MMP8: variants seen among roughly 807,000 people sequenced by gnomAD.
MMP8 encodes the protein neutrophil collagenase.
Under a neutral mutation model 51.2 loss-of-function variants are expected in MMP8, and 67 were observed. The ratio of observed to expected loss-of-function variants is 1.31; its 90% confidence interval spans 1.08 to 1.60. The LOEUF (loss-of-function observed/expected upper bound fraction) is 1.60. Among genes scored for constraint, MMP8 ranks in the 40% most tolerant of loss-of-function variants. The pLI, the probability that MMP8 is intolerant of heterozygous loss-of-function variation, is 0.00. For synonymous variants in MMP8, 225 were observed against 191.0 expected (o/e 1.18, Z -1.47); for missense variants, 654 against 558.1 (o/e 1.17, Z -1.73).
In MMP8 at chr11:102,712,202, A is replaced by G. The variant is rs1291189193; in HGVS notation, c.*1146T>C. On this transcript the variant is annotated 3_prime_UTR_variant, in exon 10 of 10. Coordinates refer to ENST00000236826, the MANE Select transcript of MMP8 (RefSeq NM_002424.3). The stretch of plus-strand genomic sequence containing the variant: ...CCTGAGTACCCCAGGAAATAGAAGT[A>G]AAGAACTGACGAACATCAGATCCAA... 6.6e-6 allele frequency: 1 copy of G among 152,174 alleles called. No individual in the cohort carries two copies. Among genetic ancestry groups the G allele is most frequent in the Non-Finnish European group, 1.5e-5 (1 of 68,020 alleles). 9.4% of individuals were successfully genotyped at this position (152,174 alleles called of 1,614,324 possible).
Position 102,721,752 on chromosome 11 carries a change from A to T in MMP8, c.358T>A (p.Tyr120Asn). ...TCAGCCTCTGACAGCTGTGGGGTAT[A>T]GTTTCGAATCCTTCAAAATGAGAGG... is the stretch of plus-strand genomic sequence containing the variant. Reference protein sequence around the residue: ...RTNLTYRIRNYTPQLSEAEVE... With the variant: ...RTNLTYRIRNNTPQLSEAEVE... The change falls in exon 3 of 10, where the codon TAT becomes AAT. Residue 120 changes from tyrosine (Y) to asparagine (N), a missense_variant. Coordinates refer to ENST00000236826, the MANE Select transcript of MMP8 (RefSeq NM_002424.3). The T allele has an allele frequency of 6.2e-7, 1 of 1,613,652 alleles. No homozygotes were observed. The highest frequency in any genetic ancestry group is 1.1e-5 in the South Asian group (1 of 91,062).
chr11:102,722,297 ACTACTC>A (rs2134314946), intron 2 of MMP8, 126 bp downstream of exon 2: 8 of 979,052 alleles, frequency 8.2e-6, no homozygotes, highest in Non-Finnish European at 1.2e-5. Context: ...ATATTCATTC[ACTACTC>A]ACACTCTTCA....
Position 102,715,321 on chromosome 11 carries a change from A to C in MMP8, c.1019T>G (p.Leu340Arg), listed in dbSNP as rs536358156. The C allele has an allele frequency of 6.2e-7, 1 of 1,611,198 alleles. No homozygotes were observed. The highest frequency in any genetic ancestry group is 1.7e-5 in the Admixed American group (1 of 59,200). ...QAAYEDFDRDLIFLFKGNQYW... is the reference protein window; with the variant it reads ...QAAYEDFDRDRIFLFKGNQYW... The stretch of plus-strand genomic sequence containing the variant: ...GAAGTTACCTTTAAATAGGAAAATG[A>C]GGTCTCTGTCAAAATCTTCATAAGC... Residue 340 changes from leucine (L) to arginine (R), a missense_variant, in exon 7 of 10, where the codon CTC (leucine) becomes CGC (arginine). Coordinates refer to ENST00000236826, the MANE Select transcript of MMP8 (RefSeq NM_002424.3).
In MMP8 at chr11:102,714,593, T is replaced by C. The variant is rs772850945; in HGVS notation, c.1153A>G (p.Ser385Gly). Residue 385 changes from serine (S) to glycine (G), a missense_variant, in exon 8 of 10, where the codon AGT becomes GGT. Ser to Gly is a moderately conservative substitution (Grantham distance 56). Transcript: ENST00000236826. ...TCATTTACAAAGAAGTATGTTTTAC[T>C]TCTGTAGAAAACAGCTGCGTCAATT... ...QAIDAAVFYR[S>G]KTYFFVNDQF... 6 of 1,516,902 alleles carry C rather than the reference T, an allele frequency of 4.0e-6. No homozygotes were observed. In the East Asian group the frequency reaches 1.6e-4, roughly 39 times the overall value. The allele number at this position is 1,516,902 out of a possible 1,614,324, so 94.0% of individuals were successfully genotyped here.
At chr11:102,717,822 T>G (rs1211847498) in intron 5 of MMP8, among the ~76,000 whole-genome samples, 1 of 152,166 alleles carries the variant, frequency 6.6e-6, no homozygotes. Flanking sequence ...TATTTAAAAT[T>G]GGGGCCAGGT....
Position 102,722,599 on chromosome 11 carries a change from G to T in MMP8, c.177C>A (p.Ile59=), listed in dbSNP as rs770460574. The T allele has an allele frequency of 3.1e-6, 5 of 1,613,726 alleles. No individual in the cohort carries two copies. The highest frequency in any genetic ancestry group is 4.2e-6 in the Non-Finnish European group (5 of 1,179,838). ...QSTRKNGTNV[I]VEKLKEMQRF... is the part of the protein sequence containing the mutation. ...GCTGCATTTCTTTAAGCTTTTCAAC[G>T]ATCACATTAGTGCCATTCTTCCTTG... Residue 59 remains isoleucine (I), a synonymous_variant, in exon 2 of 10, where the codon ATC becomes ATA. Coordinates refer to ENST00000236826, the MANE Select transcript of MMP8 (RefSeq NM_002424.3).
chr11:102,722,707 T>A, intron 1 of MMP8, 34 bp from the exon 2 acceptor site: 1 of 1,607,538 alleles, frequency 6.2e-7, no homozygotes, highest in Non-Finnish European at 8.5e-7. Flanking sequence ...GGTCTTGCTG[T>A]GAAAGGACCT....
chr11:102,717,829 A>G (rs1240648360), intron 5 of MMP8, among the ~76,000 whole-genome samples: 1 of 152,208 alleles, frequency 6.6e-6, no homozygotes, highest in Non-Finnish European at 1.5e-5. Flanking sequence ...AATTGGGGCC[A>G]GGTGCAATGG....
intron 7 of MMP8, 96 bp from the exon 8 acceptor site, chr11:102,714,805 T>C (rs28478243): frequency 0.089 from 20,555 of 230,726 alleles, 1,957 homozygotes; most frequent in African/African-American, 0.2. Flanking sequence ...TATATATATA[T>C]ACCACTTCTT....
intron 8 of MMP8, among the ~76,000 whole-genome samples, 180 bp downstream of exon 8, chr11:102,714,376 A>G (rs1861217640): frequency 6.6e-6 from 1 of 152,326 alleles, no homozygotes; most frequent in Admixed American, 6.5e-5. Flanking sequence ...TTAATTTTAT[A>G]GAAATGAAAA....
intron 5 of MMP8, among the ~76,000 whole-genome samples, chr11:102,717,044 G>A (rs1861319737): frequency 6.6e-6 from 1 of 152,122 alleles, no homozygotes; most frequent in Non-Finnish European, 1.5e-5. Flanking sequence ...TCACAAAAAA[G>A]TTCCCTGGTT....
In MMP8 at chr11:102,716,302, C is replaced by T. The variant is rs1274324925; in HGVS notation, c.902G>A (p.Arg301Lys). 3 of 1,565,004 alleles carry T rather than the reference C, an allele frequency of 1.9e-6. No individual in the cohort carries two copies. The highest frequency in any genetic ancestry group is 2.6e-6 in the Non-Finnish European group (3 of 1,145,542). ...AGGAAGAAATATTTCAATTTTATAC[C>T]TGTCTTTAAAGAAAAGTATTTCTCC... ...LRGEILFFKD[R>K]YFWRRHPQLQ... The change falls in exon 6 of 10, where the codon AGG (arginine) becomes AAG (lysine). Residue 301 changes from arginine (R) to lysine (K), a missense_variant and splice_region_variant. Physicochemically the swap from Arg to Lys is conservative, Grantham distance 26 (BLOSUM62 2). Transcript: ENST00000236826.
chr11:102,715,348 G>T lies in MMP8; in HGVS notation c.992C>A (p.Ala331Asp). 3 of 1,613,452 alleles carry T rather than the reference G, an allele frequency of 1.9e-6. No homozygotes were observed. Among genetic ancestry groups the T allele is most frequent in the Non-Finnish European group, 2.5e-6 (3 of 1,179,714 alleles). Residue 331 changes from alanine (A) to aspartate (D), a missense_variant, in exon 7 of 10, where the codon GCT becomes GAT. Physicochemically the swap from Ala to Asp is moderately radical, Grantham distance 126. Transcript: ENST00000236826. ...GTCTCTGTCAAAATCTTCATAAGCA[G>T]CCTGTATACCAGTTGGAAGGGATGG... Reference protein sequence around the residue: ...FWPSLPTGIQAAYEDFDRDLI... With the variant: ...FWPSLPTGIQDAYEDFDRDLI...
rs766614499 is a variant in MMP8, at chr11:102,714,556, C to T, written c.1190G>A (p.Arg397Lys). Residue 397 changes from arginine to lysine, a missense_variant and splice_region_variant, in exon 8 of 10, where the codon AGA becomes AAA. Physicochemically the swap from Arg to Lys is conservative, Grantham distance 26. Transcript: ENST00000236826. ...TAATTGAAAAAATAGTTTACGTTAC[C>T]TCCAGAATTGGTCATTTACAAAGAA... The part of the protein sequence containing the change: ...TYFFVNDQFW[R>K]YDNQRQFMEP... 1 of 1,456,676 alleles carries T rather than the reference C, an allele frequency of 6.9e-7. No homozygotes were observed. Among genetic ancestry groups the T allele is most frequent in the Non-Finnish European group, 9.1e-7 (1 of 1,099,202 alleles). 90.2% of individuals were successfully genotyped at this position (1,456,676 alleles called of 1,614,324 possible).
At position 102,716,425 on chromosome 11, in the gene MMP8, A is replaced by T. The variant is rs756131614; in HGVS notation, c.785-6T>A. On this transcript the variant is annotated splice_polypyrimidine_tract_variant and splice_region_variant and intron_variant, in intron 5 of 9. Transcript: ENST00000236826. The stretch of plus-strand genomic sequence containing the variant: ...GATAGGGTTGCTTGAAAGTCCTGGA[A>T]AAAAAAAAAAAAAAAAAAAAAAGGT... 18 of 794,630 alleles carry T rather than the reference A, an allele frequency of 2.3e-5. No individual in the cohort carries two copies. The highest frequency in any genetic ancestry group is 4.3e-5 in the Admixed American group (1 of 23,302). The allele number at this position is 794,630 out of a possible 1,614,324, so 49.2% of individuals were successfully genotyped here.
intron 4 of MMP8, among the ~76,000 whole-genome samples, chr11:102,720,082 A>G (rs1387321249): frequency 2.0e-5 from 3 of 152,352 alleles, no homozygotes; most frequent in Admixed American, 1.3e-4. Flanking sequence ...CAGTGAATGT[A>G]CAATGTGGGT....
intron 1 of MMP8, chr11:102,722,907 G>A: frequency 9.4e-7 from 1 of 1,060,398 alleles, no homozygotes; most frequent in Non-Finnish European, 1.3e-6. Flanking sequence ...TCTCATAAGG[G>A]ATGAGGATCA....
intron 2 of MMP8, 49 bp downstream of exon 2, chr11:102,722,380 C>A: frequency 1.3e-6 from 2 of 1,588,130 alleles, no homozygotes; most frequent in South Asian, 1.1e-5. Context: ...TATAAGAGCC[C>A]AGTCCATACT....
Position 102,713,365 on chromosome 11 carries a change from T to C in MMP8, c.1387A>G (p.Asn463Asp), listed in dbSNP as rs77504671. ...TRVARGNKWL[N>D]CRYG ...ATTTTGCTTCAGCCATATCTACAGTTAAGCCATTTATTGCCTCTTGCAACT... is the reference window on the plus strand; with the variant it reads ...ATTTTGCTTCAGCCATATCTACAGTCAAGCCATTTATTGCCTCTTGCAACT... Residue 463 changes from asparagine to aspartate, a missense_variant, in exon 10 of 10, where the codon AAC becomes GAC. Coordinates refer to ENST00000236826, the MANE Select transcript of MMP8 (RefSeq NM_002424.3). The C allele has an allele frequency of 1.2e-3, 1,947 of 1,612,686 alleles. 21 individuals are homozygous for C. The African/African-American group carries it at 0.023, about 19-fold the overall frequency.
Sources: gnomAD v4.1 joint callset for allele counts (sites outside exome capture counted in the v4.1 genomes callset) on GRCh38, gnomAD v4.1.1 for gene constraint, MANE v1.5 for transcripts, NCBI Gene and HGNC (gene_info 2026-07-23, HGNC 2026-07-21) for gene names.